Variants in NFX1 observed in about 807,000 individuals in gnomAD.
NFX1 encodes the protein transcriptional repressor NF-X1.
NFX1 carries 69 observed loss-of-function variants against 137.2 expected under a neutral mutation model. The observed-to-expected ratio is 0.50, with a 90% CI of 0.41 to 0.61. The LOEUF (loss-of-function observed/expected upper bound fraction) is 0.61, where lower values mean the gene tolerates loss of function less well. NFX1 is among the 20% of genes least tolerant of loss of function. NFX1 has a pLI of 0.00. For missense variants in NFX1, 1,167 were observed against 1,391.0 expected (o/e 0.84, Z 2.56); for synonymous variants, 495 against 474.1 (o/e 1.04, Z -0.57).
intron 16 of NFX1, 23 bp from the exon 17 acceptor site, chr9:33,352,623 G>A (rs200777912): frequency 4.8e-4 from 772 of 1,608,986 alleles, no homozygotes; most frequent in Admixed American, 1.0e-3. Context: ...GCTAAAAGTC[G>A]TTCCATGTTC....
chr9:33,318,251 T>C (rs1379906980), intron 7 of NFX1, among the ~76,000 whole-genome samples: 1 of 152,198 alleles, frequency 6.6e-6, no homozygotes, highest in Non-Finnish European at 1.5e-5. Flanking sequence ...ACATAAAGTA[T>C]GAAACCTGTG....
chr9:33,304,524 A>T (rs1186388582), intron 4 of NFX1, among the ~76,000 whole-genome samples: 1 of 152,180 alleles, frequency 6.6e-6, no homozygotes, highest in Middle Eastern at 3.4e-3. Context: ...TTTACCATCA[A>T]CTCTGAATCT....
intron 4 of NFX1, among the ~76,000 whole-genome samples, chr9:33,303,626 A>G (rs775877278): frequency 1.3e-5 from 2 of 152,228 alleles, no homozygotes; most frequent in Non-Finnish European, 2.9e-5. Context: ...TGAGTAAATA[A>G]TAGTGTTTAT....
intron 15 of NFX1, 39 bp downstream of exon 15, chr9:33,347,156 A>G (rs1360039316): frequency 1.4e-6 from 2 of 1,455,842 alleles, no homozygotes; most frequent in South Asian, 2.3e-5. Flanking sequence ...TTCCAGGCAG[A>G]GGTTCATGAT....
chr9:33,363,663 A>G (rs576021225), intron 19 of NFX1, among the ~76,000 whole-genome samples: 3 of 152,280 alleles, frequency 2.0e-5, no homozygotes, highest in South Asian at 4.2e-4. Context: ...TAACATTTGT[A>G]TGTCTATTTT....
chr9:33,354,617 G>T (rs1823752005), intron 18 of NFX1, among the ~76,000 whole-genome samples: 1 of 152,164 alleles, frequency 6.6e-6, no homozygotes, highest in African/African-American at 2.4e-5. Context: ...CCTTCAGAGG[G>T]ACCTCATCCA....
At position 33,355,757 on chromosome 9, in the gene NFX1, G is replaced by C. The variant is rs534149506; in HGVS notation, c.2873+865G>C. 2.0e-5 allele frequency among the ~76,000 whole-genome samples: 3 copies of C among 146,426 alleles called. No individual in the cohort carries two copies. The East Asian group carries it at 6.1e-4, about 30-fold the overall frequency. On this transcript the variant is annotated intron_variant, in intron 19 of 23. Coordinates refer to ENST00000379540, the MANE Select transcript of NFX1 (RefSeq NM_002504.6). ...CCTCCCGGGTTCAAGCGATTCTCTT[G>C]CCTTAGCCTCCAGAGTAGTTGGCAT...
chr9:33,312,874 TAAAC>T (rs1345390155), intron 6 of NFX1, among the ~76,000 whole-genome samples: 2 of 152,230 alleles, frequency 1.3e-5, no homozygotes, highest in South Asian at 4.2e-4. Context: ...CTGTCTCAAA[TAAAC>T]AACAACAAAA....
At chr9:33,290,838 A>G (rs543484997) in intron 1 of NFX1, among the ~76,000 whole-genome samples, 52 of 152,362 alleles carry the variant, frequency 3.4e-4, no homozygotes, top group Admixed American at 2.4e-3. Flanking sequence ...CGGCGCTGCG[A>G]GTCGATGTGG....
chr9:33,351,477 C>A, intron 15 of NFX1, 83 bp from the exon 16 acceptor site: 1 of 1,346,400 alleles, frequency 7.4e-7, no homozygotes, highest in Non-Finnish European at 1.0e-6. Flanking sequence ...CTGCCATAAG[C>A]TTAGAAATGT....
intron 4 of NFX1, 69 bp from the exon 5 acceptor site, chr9:33,307,125 A>T: frequency 8.1e-7 from 1 of 1,234,018 alleles, no homozygotes; most frequent in Non-Finnish European, 1.2e-6. Flanking sequence ...GCTATACTTT[A>T]CTGTTTCATT....
intron 11 of NFX1, among the ~76,000 whole-genome samples, chr9:33,334,607 A>C (rs1461759808): frequency 3.9e-5 from 6 of 152,232 alleles, no homozygotes; most frequent in African/African-American, 1.4e-4. Flanking sequence ...TTCCCTATTC[A>C]TACAGATGTA....
chr9:33,358,708 G>C (rs1823896970), intron 19 of NFX1, among the ~76,000 whole-genome samples: 1 of 122,546 alleles, frequency 8.2e-6, no homozygotes, highest in Admixed American at 1.1e-4. Context: ...TGTCTCCCAG[G>C]CTGGAGTGCA....
At chr9:33,335,194 T>G (rs922745029) in intron 11 of NFX1, among the ~76,000 whole-genome samples, 2 of 152,006 alleles carry the variant, frequency 1.3e-5, no homozygotes, top group Non-Finnish European at 2.9e-5. Context: ...CTGTCTTACA[T>G]TTTTTCTTCT....
At chr9:33,364,570 G>T in intron 20 of NFX1, 138 bp from the exon 21 acceptor site, 3 of 995,304 alleles carry the variant, frequency 3.0e-6, no homozygotes, top group Non-Finnish European at 4.3e-6. Flanking sequence ...TCATCCTTCT[G>T]TTTTCTGACA....
At chr9:33,328,837 A>G (rs1474049684) in intron 10 of NFX1, among the ~76,000 whole-genome samples, 159 bp downstream of exon 10, 3 of 152,212 alleles carry the variant, frequency 2.0e-5, no homozygotes, top group Non-Finnish European at 4.4e-5. Flanking sequence ...GCAAATATAC[A>G]GATCACTCTA....
intron 2 of NFX1, among the ~76,000 whole-genome samples, chr9:33,296,445 A>T (rs1008763775): frequency 1.3e-5 from 2 of 152,230 alleles, no homozygotes; most frequent in African/African-American, 4.8e-5. Context: ...AAGCTACTTT[A>T]GGCCAGGCAT....
intron 5 of NFX1, among the ~76,000 whole-genome samples, chr9:33,307,970 ATT>A (rs537509391): frequency 6.6e-6 from 1 of 151,312 alleles, no homozygotes; most frequent in African/African-American, 2.4e-5. Context: ...CGCCTGGCTA[ATT>A]TTTGTATGTT....
chr9:33,367,466 C>A, intron 22 of NFX1, 49 bp from the exon 23 acceptor site: 1 of 1,590,066 alleles, frequency 6.3e-7, no homozygotes, highest in Non-Finnish European at 8.6e-7. Context: ...CTGTCCATCT[C>A]CACAAACAAT....
Sources: gnomAD v4.1 joint callset for allele counts (sites outside exome capture counted in the v4.1 genomes callset) on GRCh38, gnomAD v4.1.1 for gene constraint, MANE v1.5 for transcripts, NCBI Gene and HGNC (gene_info 2026-07-23, HGNC 2026-07-21) for gene names.